Variants in GLRA3 observed in about 807,000 individuals in gnomAD.
GLRA3 encodes glycine receptor alpha 3, also known as glycine receptor subunit alpha-3.
Under a neutral mutation model 60.4 loss-of-function variants are expected in GLRA3, and 44 were observed. The ratio of observed to expected loss-of-function variants is 0.73; its 90% confidence interval spans 0.57 to 0.94. The LOEUF (loss-of-function observed/expected upper bound fraction) is 0.94. Among genes scored for constraint, GLRA3 ranks in the 40% least tolerant of loss-of-function variants. GLRA3 has a pLI of 0.00. For synonymous variants in GLRA3, 223 were observed against 192.9 expected, an observed-to-expected ratio of 1.16 and a Z score of -1.29; for missense variants, 508 against 564.6, an observed-to-expected ratio of 0.90 and a Z score of 1.02.
At position 174,639,836 on chromosome 4, in the gene GLRA3, G is replaced by T. The variant is rs1275788896; in HGVS notation, c.*3950C>A. The T allele has an allele frequency of 6.6e-6, 1 of 151,764 alleles. No homozygotes were observed. The highest frequency in any genetic ancestry group is 2.4e-5 in the African/African-American group (1 of 41,172). The allele number at this position is 151,764 out of a possible 1,614,324, so 9.4% of individuals were successfully genotyped here. Reference sequence around the variant, plus strand: ...AGGTTTATATAACAATAAAAAAAATGCAGTGAGGCTATATTTACCACTGTA... The same window carrying T: ...AGGTTTATATAACAATAAAAAAAATTCAGTGAGGCTATATTTACCACTGTA... On this transcript the variant is annotated 3_prime_UTR_variant, in exon 10 of 10. Coordinates refer to ENST00000274093, the MANE Select transcript of GLRA3 (RefSeq NM_006529.4).
At chr4:174,672,172 G>C (rs1156468722) in intron 7 of GLRA3, among the ~76,000 whole-genome samples, 1 of 152,076 alleles carries the variant, frequency 6.6e-6, no homozygotes, top group African/African-American at 2.4e-5. Flanking sequence ...ATGTTTAGTA[G>C]CTGTTTTCAA....
At chr4:174,693,556 T>C (rs914591596) in intron 5 of GLRA3, among the ~76,000 whole-genome samples, 1 of 152,208 alleles carries the variant, frequency 6.6e-6, no homozygotes, top group African/African-American at 2.4e-5. Context: ...TTTTGGTTAC[T>C]CTAGCCTTGT....
intron 7 of GLRA3, among the ~76,000 whole-genome samples, chr4:174,664,289 T>C (rs1178451702): frequency 6.6e-6 from 1 of 152,104 alleles, no homozygotes; most frequent in Non-Finnish European, 1.5e-5. Flanking sequence ...AATCTCTATT[T>C]CCTGACTAAA....
In GLRA3 at chr4:174,677,114, A is replaced by G; in HGVS notation, c.891T>C (p.Thr297=). The G allele has an allele frequency of 6.2e-7, 1 of 1,613,060 alleles. No homozygotes were observed. Among genetic ancestry groups the G allele is most frequent in the Non-Finnish European group, 8.5e-7 (1 of 1,179,120 alleles). Residue 297 remains threonine, a synonymous_variant, in exon 7 of 10, where the codon ACT becomes ACC. Coordinates refer to ENST00000274093, the MANE Select transcript of GLRA3 (RefSeq NM_006529.4). The stretch of plus-strand genomic sequence containing the variant: ...AAGCTCGTGATCCTGAACTCTGTGT[A>G]GTCATCGTTAGCACAGTGGTTATCC... ...ALGITTVLTM[T]TQSSGSRASL...
intron 3 of GLRA3, among the ~76,000 whole-genome samples, chr4:174,764,115 G>A (rs911036902): frequency 5.3e-5 from 8 of 152,046 alleles, no homozygotes; most frequent in African/African-American, 1.9e-4. Flanking sequence ...AGTTTATATT[G>A]TTAAACTGCA....
intron 7 of GLRA3, among the ~76,000 whole-genome samples, chr4:174,675,561 A>G (rs1221481069): frequency 6.6e-6 from 1 of 152,094 alleles, no homozygotes; most frequent in Non-Finnish European, 1.5e-5. Flanking sequence ...GAGTAAACTG[A>G]CGATTTCCTT....
At chr4:174,682,185 C>A (rs1734371659) in intron 6 of GLRA3, among the ~76,000 whole-genome samples, 1 of 152,110 alleles carries the variant, frequency 6.6e-6, no homozygotes, top group Admixed American at 6.6e-5. Flanking sequence ...TGTATACATT[C>A]TAACTGTATA....
intron 1 of GLRA3, among the ~76,000 whole-genome samples, chr4:174,822,969 C>A (rs188422949): frequency 4.6e-5 from 7 of 152,246 alleles, no homozygotes; most frequent in Admixed American, 3.3e-4. Flanking sequence ...ACCACTGTTT[C>A]CTCTTCTGAT....
intron 3 of GLRA3, among the ~76,000 whole-genome samples, chr4:174,759,953 A>AATTTCTT (rs1737875376): frequency 6.6e-6 from 1 of 152,194 alleles, no homozygotes; most frequent in African/African-American, 2.4e-5. Flanking sequence ...GTGAGAGAAG[A>AATTTCTT]ATTTCTTATG....
At chr4:174,759,133 C>T (rs981207685) in intron 3 of GLRA3, among the ~76,000 whole-genome samples, 1 of 152,002 alleles carries the variant, frequency 6.6e-6, no homozygotes, top group Non-Finnish European at 1.5e-5. Flanking sequence ...TTTAACATTG[C>T]TTTTGTTGAA....
At chr4:174,776,758 T>C (rs569292685) in intron 2 of GLRA3, among the ~76,000 whole-genome samples, 2 of 152,282 alleles carry the variant, frequency 1.3e-5, no homozygotes, top group East Asian at 3.9e-4. Flanking sequence ...GGGACATGAT[T>C]GTTACTATTG....
Position 174,829,038 on chromosome 4 carries a change from G to A in GLRA3, c.-227C>T. 2.1e-6 allele frequency: 1 copy of A among 472,354 alleles called. No individual in the cohort carries two copies. Among genetic ancestry groups the A allele is most frequent in the Non-Finnish European group, 3.8e-6 (1 of 262,834 alleles). The allele number at this position is 472,354 out of a possible 1,614,324, so 29.3% of individuals were successfully genotyped here. A position where few individuals can be genotyped will look rare whatever the true frequency, so the allele number is the denominator to read the frequency against. On this transcript the variant is annotated 5_prime_UTR_variant, in exon 1 of 10. Transcript: ENST00000274093. ...TAAATGTGCAGGTGATTTTTACAGTGAAATTACAAAAATGAGTGAGATGAA... is the reference window on the plus strand; with the variant it reads ...TAAATGTGCAGGTGATTTTTACAGTAAAATTACAAAAATGAGTGAGATGAA...
chr4:174,696,022 A>G (rs566876552), intron 5 of GLRA3, among the ~76,000 whole-genome samples: 1 of 152,222 alleles, frequency 6.6e-6, no homozygotes, highest in East Asian at 1.9e-4. Context: ...TAAAATACCT[A>G]GGAATAACCA....
intron 3 of GLRA3, among the ~76,000 whole-genome samples, chr4:174,766,569 C>T (rs949470995): frequency 7.2e-5 from 11 of 151,820 alleles, no homozygotes; most frequent in African/African-American, 2.4e-4. Context: ...AAAAAGTAAT[C>T]GAATTGAATA....
chr4:174,650,810 A>C (rs778817714), intron 9 of GLRA3, among the ~76,000 whole-genome samples: 1 of 152,040 alleles, frequency 6.6e-6, no homozygotes, highest in Non-Finnish European at 1.5e-5. Flanking sequence ...GAACCTCATG[A>C]CTCTCTTTCA....
chr4:174,793,104 AT>A (rs1191336395), intron 1 of GLRA3, among the ~76,000 whole-genome samples: 1 of 152,080 alleles, frequency 6.6e-6, no homozygotes, highest in African/African-American at 2.4e-5. Context: ...TCTCACAATT[AT>A]TTTTTTGCCA....
chr4:174,744,351 G>T (rs1737147220), intron 3 of GLRA3, among the ~76,000 whole-genome samples: 1 of 152,242 alleles, frequency 6.6e-6, no homozygotes, highest in Admixed American at 6.5e-5. Flanking sequence ...AGGCCTGCCT[G>T]GTCCTACTGA....
At chr4:174,710,054 T>C (rs1324904900) in intron 5 of GLRA3, among the ~76,000 whole-genome samples, 1 of 151,942 alleles carries the variant, frequency 6.6e-6, no homozygotes, top group Non-Finnish European at 1.5e-5. Flanking sequence ...AGGAAACATA[T>C]TGTTAAAATA....
intron 2 of GLRA3, among the ~76,000 whole-genome samples, chr4:174,770,258 A>G (rs1738326803): frequency 1.3e-5 from 2 of 152,134 alleles, no homozygotes; most frequent in Admixed American, 6.6e-5. Flanking sequence ...ATCTTTACAA[A>G]CCATAGATGC....
Sources: gnomAD v4.1 joint callset for allele counts (sites outside exome capture counted in the v4.1 genomes callset) on GRCh38, gnomAD v4.1.1 for gene constraint, MANE v1.5 for transcripts, NCBI Gene and HGNC (gene_info 2026-07-23, HGNC 2026-07-21) for gene names.